Variants in L3MBTL4 observed in about 807,000 individuals in gnomAD.
L3MBTL4 encodes L3MBTL histone methyl-lysine binding protein 4, also known as lethal(3)malignant brain tumor-like protein 4.
In L3MBTL4, 70 loss-of-function variants were observed where a neutral mutation model predicts 84.5. The observed-to-expected ratio is 0.83, with a 90% CI of 0.68 to 1.01. The LOEUF (loss-of-function observed/expected upper bound fraction) is 1.01. Among genes scored for constraint, L3MBTL4 ranks in the 50% least tolerant of loss-of-function variants. The pLI, the probability that L3MBTL4 is intolerant of heterozygous loss-of-function variation, is 0.00. For missense variants in L3MBTL4, 715 were observed against 754.8 expected, an observed-to-expected ratio of 0.95 and a Z score of 0.62; for synonymous variants, 274 against 259.8, an observed-to-expected ratio of 1.05 and a Z score of -0.52.
intron 16 of L3MBTL4, among the ~76,000 whole-genome samples, chr18:6,035,260 T>C (rs1471306132): frequency 1.3e-5 from 2 of 152,134 alleles, no homozygotes; most frequent in Non-Finnish European, 2.9e-5. Context: ...TAGGTTTTCT[T>C]CTAGGGTTTT....
rs1380288613 is a variant in L3MBTL4, at chr18:6,319,084, G to C, written c.-90-7028C>G. On this transcript the variant is annotated intron_variant, in intron 1 of 18. Transcript: ENST00000317931. ...AATTTAAAAATTCTTTGACATGAGTGACAACAGTGACACAAATTATTAAGA... is the reference window on the plus strand; with the variant it reads ...AATTTAAAAATTCTTTGACATGAGTCACAACAGTGACACAAATTATTAAGA... Among the ~76,000 whole-genome samples the C allele has an allele frequency of 2.0e-5, 3 of 152,200 alleles. No individual in the cohort carries two copies. In the East Asian group the frequency reaches 5.8e-4, roughly 29 times the overall value.
In L3MBTL4 at chr18:6,404,841, G is replaced by A. The variant is rs74399593; in HGVS notation, c.-91+9960C>T. Among the ~76,000 whole-genome samples the A allele has an allele frequency of 1.0e-2, 1,511 of 151,504 alleles. 23 individuals are homozygous for A. Among genetic ancestry groups the A allele is most frequent in the African/African-American group, 0.035 (1,424 of 41,220 alleles). Reference sequence around the variant, plus strand: ...GCTGGGACCACAGGTACATGCCATCGTGCCTGGATAATTTTTTTTTTTTTT... The same window carrying A: ...GCTGGGACCACAGGTACATGCCATCATGCCTGGATAATTTTTTTTTTTTTT... On this transcript the variant is annotated intron_variant, in intron 1 of 18. Transcript: ENST00000317931.
chr18:6,036,245 T>C (rs948536637), intron 16 of L3MBTL4, among the ~76,000 whole-genome samples: 4 of 152,200 alleles, frequency 2.6e-5, no homozygotes, highest in Non-Finnish European at 5.9e-5. Context: ...TTCTCAGCAA[T>C]TATTTCTTTA....
At chr18:6,350,360 A>T (rs2053123325) in intron 1 of L3MBTL4, among the ~76,000 whole-genome samples, 1 of 152,226 alleles carries the variant, frequency 6.6e-6, no homozygotes, top group South Asian at 2.1e-4. Flanking sequence ...CTCATAAGGG[A>T]TTAATATCCA....
At position 6,051,012 on chromosome 18, in the gene L3MBTL4, A is replaced by G. The variant is rs578029289; in HGVS notation, c.1444+29869T>C. Among the ~76,000 whole-genome samples the G allele has an allele frequency of 2.0e-3, 310 of 152,278 alleles. 1 individual carries two copies. The highest frequency in any genetic ancestry group is 3.4e-3 in the Non-Finnish European group (229 of 68,032). ...CGCCAGGTCAGTGCTAGGCTGCAAG[A>G]GCCTGTGATGTTGATGCATGGACAC... is the stretch of plus-strand genomic sequence containing the variant. On this transcript the variant is annotated intron_variant, in intron 16 of 18. Transcript: ENST00000317931.
intron 1 of L3MBTL4, among the ~76,000 whole-genome samples, chr18:6,337,591 T>C (rs1568514849): frequency 6.6e-6 from 1 of 152,096 alleles, no homozygotes; most frequent in Non-Finnish European, 1.5e-5. Context: ...CTATTACCTT[T>C]AGAAAATAGT....
intron 1 of L3MBTL4, among the ~76,000 whole-genome samples, chr18:6,363,364 C>T (rs984669627): frequency 6.6e-6 from 1 of 152,120 alleles, no homozygotes; most frequent in Non-Finnish European, 1.5e-5. Flanking sequence ...CTCCAGGAAG[C>T]CCCGTGTCTT....
At chr18:6,325,486 T>A (rs1273485479) in intron 1 of L3MBTL4, among the ~76,000 whole-genome samples, 2 of 152,114 alleles carry the variant, frequency 1.3e-5, no homozygotes, top group South Asian at 2.1e-4. Context: ...TGCCCAGCTT[T>A]ATACTACCAT....
intron 1 of L3MBTL4, among the ~76,000 whole-genome samples, chr18:6,336,547 C>A (rs745927669): frequency 7.9e-5 from 12 of 152,100 alleles, no homozygotes; most frequent in Non-Finnish European, 1.5e-4. Context: ...AAGAGGTGAA[C>A]ACAACAGAAT....
chr18:6,194,229 C>T (rs79586891), intron 12 of L3MBTL4, among the ~76,000 whole-genome samples: 2,455 of 152,274 alleles, frequency 0.016, 75 homozygotes, highest in African/African-American at 0.057. Context: ...CTTCCCACAT[C>T]GCCACTGAAA....
At chr18:5,976,423 G>A (rs1379290295) in intron 16 of L3MBTL4, among the ~76,000 whole-genome samples, 3 of 152,208 alleles carry the variant, frequency 2.0e-5, no homozygotes, top group Non-Finnish European at 4.4e-5. Flanking sequence ...CCAGAAGAGT[G>A]CTGAGCCCAT....
intron 10 of L3MBTL4, among the ~76,000 whole-genome samples, chr18:6,221,027 T>A (rs1474340374): frequency 6.6e-6 from 1 of 152,064 alleles, no homozygotes; most frequent in East Asian, 1.9e-4. Flanking sequence ...ACTCCTCAGT[T>A]TTTTTTTCCA....
At chr18:6,178,855 A>G (rs2044339045) in intron 12 of L3MBTL4, among the ~76,000 whole-genome samples, 1 of 152,164 alleles carries the variant, frequency 6.6e-6, no homozygotes, top group Non-Finnish European at 1.5e-5. Context: ...GCTTTTCCTT[A>G]TCTTTACTTC....
At chr18:6,045,162 C>A (rs1422828242) in intron 16 of L3MBTL4, among the ~76,000 whole-genome samples, 1 of 152,172 alleles carries the variant, frequency 6.6e-6, no homozygotes. Flanking sequence ...ACAGAGGGAA[C>A]CCCATCAGGC....
intron 14 of L3MBTL4, among the ~76,000 whole-genome samples, chr18:6,096,649 A>C (rs1410911595): frequency 6.6e-6 from 1 of 152,168 alleles, no homozygotes; most frequent in Non-Finnish European, 1.5e-5. Context: ...GATTCTGTAT[A>C]AATCTATTCA....
intron 16 of L3MBTL4, among the ~76,000 whole-genome samples, chr18:6,039,705 A>C (rs575351195): frequency 6.6e-6 from 1 of 152,298 alleles, no homozygotes; most frequent in East Asian, 1.9e-4. Flanking sequence ...TGGTTATCTC[A>C]AAGTCCCTTC....
intron 12 of L3MBTL4, among the ~76,000 whole-genome samples, chr18:6,203,102 C>T (rs766011820): frequency 5.9e-5 from 9 of 152,194 alleles, no homozygotes; most frequent in Non-Finnish European, 1.3e-4. Context: ...ACAAAAGGCC[C>T]AGGACCAATG....
At chr18:6,068,335 A>G (rs2085216) in intron 16 of L3MBTL4, among the ~76,000 whole-genome samples, 77,152 of 152,024 alleles carry the variant, frequency 0.51, 21,241 homozygotes, top group African/African-American at 0.71. Context: ...AAAGAGATGC[A>G]TAGATATATC....
intron 14 of L3MBTL4, among the ~76,000 whole-genome samples, chr18:6,129,359 G>C (rs571816018): frequency 8.0e-6 from 1 of 125,222 alleles, no homozygotes; most frequent in Admixed American, 7.9e-5. Context: ...CAATTTACTG[G>C]AATTCTCTCT....
Sources: gnomAD v4.1 joint callset for allele counts (sites outside exome capture counted in the v4.1 genomes callset) on GRCh38, gnomAD v4.1.1 for gene constraint, MANE v1.5 for transcripts, NCBI Gene and HGNC (gene_info 2026-07-23, HGNC 2026-07-21) for gene names.